Variants in CEP76 observed in about 807,000 individuals in gnomAD.
The protein encoded by CEP76 is centrosomal protein 76.
CEP76 carries 55 observed loss-of-function variants against 83.3 expected under a neutral mutation model. That is an observed-to-expected ratio of 0.66 (90% CI 0.53 to 0.83). The LOEUF (loss-of-function observed/expected upper bound fraction) is 0.83, where lower values mean the gene tolerates loss of function less well. Among genes scored for constraint, CEP76 ranks in the 40% least tolerant of loss-of-function variants. The probability of loss-of-function intolerance (pLI) is 0.00; values close to 1 mark genes in which losing one functional copy is unlikely to be tolerated. For missense variants in CEP76, 694 were observed against 799.5 expected (o/e 0.87, Z 1.59); for synonymous variants, 270 against 274.5 (o/e 0.98, Z 0.16).
In CEP76 at chr18:12,695,295, G is replaced by A. The variant is rs1279098366; in HGVS notation, c.763C>T (p.Pro255Ser). The A allele has an allele frequency of 2.5e-6, 4 of 1,569,964 alleles. No individual in the cohort carries two copies. Among genetic ancestry groups the A allele is most frequent in the African/African-American group, 1.4e-5 (1 of 73,760 alleles). Residue 255 changes from proline (P) to serine (S), a missense_variant, in exon 6 of 12, where the codon CCA (proline) becomes TCA (serine). By Grantham distance (74) the Pro-to-Ser change is moderately conservative. Coordinates refer to ENST00000262127, the MANE Select transcript of CEP76 (RefSeq NM_024899.4). ...TCTTGAGATAACGTTTGATTGAGTG[G>A]TGGATACATTTCAAGTTTTATATTT... ...ILNIKLEMYPPLNQTLSQEVV... is the reference protein window; with the variant it reads ...ILNIKLEMYPSLNQTLSQEVV...
chr18:12,662,340 A>G (rs1047427352), intron 12 of CEP76, among the ~76,000 whole-genome samples: 2 of 152,326 alleles, frequency 1.3e-5, no homozygotes, highest in Admixed American at 6.5e-5. Flanking sequence ...TATTATTCCT[A>G]TCTTACAGAA....
downstream of CEP76, among the ~76,000 whole-genome samples, chr18:12,669,733 G>A (rs968819187): frequency 6.6e-6 from 1 of 152,088 alleles, no homozygotes; most frequent in Non-Finnish European, 1.5e-5. Context: ...AGGCATGGTG[G>A]CTCACGCCTG....
chr18:12,701,497 C>T (rs1448428894), intron 1 of CEP76, among the ~76,000 whole-genome samples: 1 of 152,084 alleles, frequency 6.6e-6, no homozygotes, highest in African/African-American at 2.4e-5. Context: ...TAACCTCAAG[C>T]CAACTTATTT....
At chr18:12,689,472 A>G (rs1366520936) in intron 7 of CEP76, among the ~76,000 whole-genome samples, 1 of 152,222 alleles carries the variant, frequency 6.6e-6, no homozygotes, top group Admixed American at 6.5e-5. Context: ...CTGTTTACAA[A>G]AAGAGCCAAT....
downstream of CEP76, chr18:12,670,658 T>C (rs953234431): frequency 3.6e-4 from 43 of 118,216 alleles, no homozygotes; most frequent in African/African-American, 1.4e-3. Context: ...TGGTTTTTTT[T>C]AACTTTTTTA....
chr18:12,682,378 A>C (rs1282185037), intron 8 of CEP76, among the ~76,000 whole-genome samples: 1 of 152,016 alleles, frequency 6.6e-6, no homozygotes, highest in Non-Finnish European at 1.5e-5. Flanking sequence ...TTGTAGAGAC[A>C]AGGTTTCACC....
At chr18:12,695,433 G>A in intron 5 of CEP76, 82 bp from the exon 6 acceptor site, 1 of 538,614 alleles carries the variant, frequency 1.9e-6, no homozygotes. Flanking sequence ...AAATAATTTA[G>A]GCACTTGGGT....
intron 12 of CEP76, among the ~76,000 whole-genome samples, chr18:12,667,408 G>A (rs1464270946): frequency 1.3e-5 from 2 of 152,100 alleles, no homozygotes; most frequent in African/African-American, 2.4e-5. Flanking sequence ...AGTGAGCTAT[G>A]ATCACACCAC....
chr18:12,695,244 A>T lies in CEP76; in HGVS notation c.804+10T>A, dbSNP rs778503137. On this transcript the variant is annotated intron_variant, in intron 6 of 11. Transcript: ENST00000262127. ...AACACACAAAAAAAGAGAAACTCAT[A>T]AGTATTTACCTGTGTGTTCACTACT... 41 of 1,254,742 alleles carry T rather than the reference A, an allele frequency of 3.3e-5. No individual in the cohort carries two copies. Among genetic ancestry groups the T allele is most frequent in the Middle Eastern group, 2.0e-4 (1 of 4,920 alleles). The allele number at this position is 1,254,742 out of a possible 1,614,324, so 77.7% of individuals were successfully genotyped here. A position where few individuals can be genotyped will look rare whatever the true frequency, so the allele number is the denominator to read the frequency against.
At position 12,696,680 on chromosome 18, in the gene CEP76, T is replaced by G. The variant is rs763288304; in HGVS notation, c.706+543A>C. On this transcript the variant is annotated intron_variant, in intron 5 of 11. Coordinates refer to ENST00000262127, the MANE Select transcript of CEP76 (RefSeq NM_024899.4). ...AGTATGTGTTACATAGCGGGCAGTGTGCAAGATTCCAAGGAGACTATGATA... is the reference window on the plus strand; with the variant it reads ...AGTATGTGTTACATAGCGGGCAGTGGGCAAGATTCCAAGGAGACTATGATA... Among the ~76,000 whole-genome samples the G allele has an allele frequency of 4.8e-4, 73 of 152,156 alleles. 1 individual carries two copies. The highest frequency in any genetic ancestry group is 8.2e-4 in the Non-Finnish European group (56 of 68,036).
chr18:12,671,246 A>G (rs921236674), downstream of CEP76: 1 of 152,186 alleles, frequency 6.6e-6, no homozygotes, highest in African/African-American at 2.4e-5. Flanking sequence ...ACCTGGCCCA[A>G]AAAGTAAATT....
intron 11 of CEP76, 139 bp from the exon 12 acceptor site, chr18:12,673,642 G>A (rs944899007): frequency 5.3e-6 from 3 of 563,734 alleles, no homozygotes; most frequent in Non-Finnish European, 8.7e-6. Context: ...CACTTTGGGA[G>A]GCCGAGACAG....
chr18:12,669,032 CTTTTTTTTTTT>C (rs71174122), downstream of CEP76, among the ~76,000 whole-genome samples: 5 of 41,958 alleles, frequency 1.2e-4, no homozygotes, highest in Non-Finnish European at 2.1e-4. Flanking sequence ...ACCCCCCGCA[CTTTTTTTTTTT>C]TTTTTTTTTT....
At position 12,702,532 on chromosome 18, in the gene CEP76, T is replaced by G. The variant is rs747446686; in HGVS notation, c.17A>C (p.Glu6Ala). Residue 6 changes from glutamate (E) to alanine (A), a missense_variant, in exon 1 of 12, where the codon GAG becomes GCG. Glu to Ala is a moderately radical substitution (Grantham distance 107). Transcript: ENST00000262127. MSLPPEKASELKQLIH... is the reference protein window; with the variant it reads MSLPPAKASELKQLIH... ...GAGCTGCTTCAGCTCGGAGGCTTTC[T>G]CCGGAGGCAGCGACATGCTGGCAGC... is the stretch of plus-strand genomic sequence containing the variant. 3.7e-6 allele frequency: 6 copies of G among 1,607,984 alleles called. No individual in the cohort carries two copies. Among genetic ancestry groups the G allele is most frequent in the Non-Finnish European group, 5.1e-6 (6 of 1,178,486 alleles).
chr18:12,694,627 C>T (rs1383779806), intron 6 of CEP76, among the ~76,000 whole-genome samples: 1 of 152,126 alleles, frequency 6.6e-6, no homozygotes, highest in East Asian at 1.9e-4. Context: ...TTTCAATAAA[C>T]GCCTGCGAAA....
At chr18:12,671,638 CTTTCTTTTTTTT>C (rs1240215730), downstream of CEP76, among the ~76,000 whole-genome samples, 5 of 82,928 alleles carry the variant, frequency 6.0e-5, no homozygotes, top group African/African-American at 2.0e-4. Flanking sequence ...AGGTTTCACA[CTTTCTTTTTTTT>C]TTTTTTTTTT....
Position 12,697,297 on chromosome 18 carries a change from TATG to T in CEP76, c.629_631del (p.Ser210del), listed in dbSNP as rs1296816910. 11 of 1,613,840 alleles carry T rather than the reference TATG, an allele frequency of 6.8e-6. No homozygotes were observed. The highest frequency in any genetic ancestry group is 9.3e-6 in the Non-Finnish European group (11 of 1,179,972). Reference sequence around the variant, plus strand: ...CAAAACCGATCGCCATTCCAGAAAATATGATGCTACTAAAGTCGTCTCACCAAA... The same window carrying T: ...CAAAACCGATCGCCATTCCAGAAAATATGCTACTAAAGTCGTCTCACCAAA... On this transcript the variant is annotated inframe_deletion, in exon 5 of 12. Coordinates refer to ENST00000262127, the MANE Select transcript of CEP76 (RefSeq NM_024899.4).
At chr18:12,696,672 G>A (rs1037467504) in intron 5 of CEP76, among the ~76,000 whole-genome samples, 3 of 152,142 alleles carry the variant, frequency 2.0e-5, no homozygotes, top group Admixed American at 6.5e-5. Context: ...GTTACATAGC[G>A]GGCAGTGTGC....
chr18:12,701,708 C>T (rs2040156567), intron 1 of CEP76, among the ~76,000 whole-genome samples: 1 of 152,140 alleles, frequency 6.6e-6, no homozygotes, highest in South Asian at 2.1e-4. Flanking sequence ...TCTTCTGGAG[C>T]TCCGAAATAT....
Sources: allele counts gnomAD v4.1 joint callset (sites outside exome capture counted in the v4.1 genomes callset), GRCh38; gene constraint gnomAD v4.1.1; transcripts MANE v1.5; gene names NCBI Gene and HGNC (gene_info 2026-07-23, HGNC 2026-07-21).